PKNOX1: variants seen among roughly 807,000 people sequenced by gnomAD.
PKNOX1 encodes the protein PBX/knotted 1 homeobox 1, also known as homeobox protein PKNOX1.
A neutral mutation model predicts 51.9 loss-of-function variants in PKNOX1; 15 were observed. The observed-to-expected ratio is 0.29, with a 90% CI of 0.19 to 0.45. The LOEUF is 0.45. Ranked by LOEUF, PKNOX1 falls within the 20% of genes least tolerant of loss-of-function variation. PKNOX1 has a pLI of 1.00. For synonymous variants in PKNOX1, 219 were observed against 211.1 expected (o/e 1.04, Z -0.32); for missense variants, 462 against 547.5 (o/e 0.84, Z 1.56).
At chr21:42,997,352 C>G (rs1241968403) in intron 1 of PKNOX1, among the ~76,000 whole-genome samples, 1 of 152,144 alleles carries the variant, frequency 6.6e-6, no homozygotes, top group Non-Finnish European at 1.5e-5. Flanking sequence ...GCCTCGGGAG[C>G]CTTACGTTCC....
In PKNOX1 at chr21:43,000,816, G is replaced by A. The variant is rs574717831; in HGVS notation, c.-56-3510G>A. 1.1e-4 allele frequency among the ~76,000 whole-genome samples: 17 copies of A among 152,302 alleles called. No individual in the cohort carries two copies. The East Asian group carries it at 2.1e-3, about 19-fold the overall frequency. On this transcript the variant is annotated intron_variant, in intron 1 of 10. Coordinates refer to ENST00000291547, the MANE Select transcript of PKNOX1 (RefSeq NM_004571.5). ...GAGCATCTCTTGAGTTCAGGAAGTC[G>A]GGGCCCCAGTGAGCTATGATTGCAA...
intron 8 of PKNOX1, among the ~76,000 whole-genome samples, chr21:43,022,570 C>T (rs1027754119): frequency 5.3e-5 from 8 of 152,102 alleles, no homozygotes; most frequent in African/African-American, 1.9e-4. Context: ...GCCTCTTGGT[C>T]TCCACCGAGC....
chr21:42,992,240 C>G (rs2059091435), intron 1 of PKNOX1, among the ~76,000 whole-genome samples: 1 of 152,206 alleles, frequency 6.6e-6, no homozygotes, highest in Non-Finnish European at 1.5e-5. Context: ...GTGTCCTGTC[C>G]TTGTGAGTTC....
chr21:43,023,083 C>T (rs1049939020), intron 8 of PKNOX1, among the ~76,000 whole-genome samples: 1 of 152,004 alleles, frequency 6.6e-6, no homozygotes, highest in African/African-American at 2.4e-5. Context: ...TCCCTCCTCA[C>T]CCTCGTTTCT....
At chr21:42,979,878 C>G (rs1297407673) in intron 1 of PKNOX1, among the ~76,000 whole-genome samples, 2 of 152,246 alleles carry the variant, frequency 1.3e-5, no homozygotes, top group Non-Finnish European at 2.9e-5. Flanking sequence ...GGATGCTTTT[C>G]ACTTCAGACA....
rs1299076802 is a variant in PKNOX1 at position 42,978,160 on chromosome 21, G to A, written c.-57+3496G>A. On this transcript the variant is annotated intron_variant, in intron 1 of 10. Transcript: ENST00000291547. ...AGCTGGGATAACAGGTGTGCAGCAT[G>A]TGTCCAGCTAATTTTTGTATTATTA... is the stretch of plus-strand genomic sequence containing the variant. Among the ~76,000 whole-genome samples the A allele has an allele frequency of 1.4e-4, 21 of 151,936 alleles. 1 individual carries two copies. Among genetic ancestry groups the A allele is most frequent in the Admixed American group, 1.4e-3 (21 of 15,248 alleles).
chr21:43,024,647 C>T (rs528952972), intron 8 of PKNOX1: 41 of 494,942 alleles, frequency 8.3e-5, no homozygotes, highest in Non-Finnish European at 1.2e-4. Flanking sequence ...ACGTGGGGGG[C>T]GGTCTGCCTT....
chr21:43,006,914 C>T (rs1165629231), intron 2 of PKNOX1, among the ~76,000 whole-genome samples: 2 of 152,134 alleles, frequency 1.3e-5, no homozygotes, highest in Admixed American at 1.3e-4. Flanking sequence ...ATGTTTTTTA[C>T]CTAAATGACA....
At chr21:43,028,945 A>G (rs1183944332) in intron 10 of PKNOX1, 71 bp downstream of exon 10, 1 of 1,481,926 alleles carries the variant, frequency 6.7e-7, no homozygotes. Context: ...GGCCTGGATC[A>G]GGCCTGTTAG....
At chr21:43,018,280 A>G in intron 7 of PKNOX1, 50 bp downstream of exon 7, 3 of 1,138,518 alleles carry the variant, frequency 2.6e-6, no homozygotes, top group Non-Finnish European at 4.0e-6. Context: ...CTGCCCACAT[A>G]GGGGCACAGG....
chr21:43,029,980 A>C lies in PKNOX1; in HGVS notation c.1190A>C (p.Gln397Pro). Reference protein sequence around the residue: ...SSDGATLAVQQVMMAGQSEDE... With the variant: ...SSDGATLAVQPVMMAGQSEDE... ...GACGGGGCCACCCTGGCGGTGCAGC[A>C]GGTCATGATGGCAGGGCAGAGCGAG... Residue 397 changes from glutamine to proline, a missense_variant, in exon 11 of 11, where the codon CAG (glutamine) becomes CCG (proline). Gln to Pro is a moderately conservative substitution (Grantham distance 76). Transcript: ENST00000291547. The C allele has an allele frequency of 6.2e-7, 1 of 1,614,122 alleles. No homozygotes were observed. The highest frequency in any genetic ancestry group is 8.5e-7 in the Non-Finnish European group (1 of 1,180,030).
chr21:42,985,522 A>T (rs1312308839), intron 1 of PKNOX1, among the ~76,000 whole-genome samples: 2 of 150,696 alleles, frequency 1.3e-5, no homozygotes, highest in Non-Finnish European at 3.0e-5. Flanking sequence ...TTTAGTAGAG[A>T]CGGGGTTTTG....
intron 1 of PKNOX1, among the ~76,000 whole-genome samples, chr21:42,987,658 A>C (rs1268109024): frequency 7.5e-6 from 1 of 133,002 alleles, no homozygotes; most frequent in Non-Finnish European, 1.6e-5. Context: ...TCGCTCTTTC[A>C]CCCGGGCTGG....
intron 1 of PKNOX1, among the ~76,000 whole-genome samples, chr21:42,983,499 T>C (rs1245445418): frequency 6.6e-6 from 1 of 152,208 alleles, no homozygotes; most frequent in East Asian, 1.9e-4. Flanking sequence ...GAATACTCCA[T>C]TGTGTGGATA....
intron 1 of PKNOX1, among the ~76,000 whole-genome samples, chr21:43,000,275 C>G (rs112927527): frequency 0.017 from 2,512 of 152,218 alleles, 66 homozygotes; most frequent in African/African-American, 0.058. Flanking sequence ...CAGTGTTAGT[C>G]CATATTCATG....
In PKNOX1 at chr21:43,004,358, T is replaced by C. The variant is rs1978895634; in HGVS notation, c.-24T>C. The C allele has an allele frequency of 2.6e-6, 4 of 1,539,784 alleles. No homozygotes were observed. The highest frequency in any genetic ancestry group is 4.5e-5 in the East Asian group (2 of 44,458). ...TCGCTTTTCACCCAAGATGATTTGA[T>C]GTCTTATAAAACTCTGATGAACCAT... On this transcript the variant is annotated 5_prime_UTR_variant, in exon 2 of 11. An upstream start codon of the reference 5' UTR is lost. Transcript: ENST00000291547.
chr21:43,020,909 G>A (rs548924986), intron 7 of PKNOX1, among the ~76,000 whole-genome samples: 1 of 152,280 alleles, frequency 6.6e-6, no homozygotes, highest in East Asian at 1.9e-4. Flanking sequence ...CTTATCATGT[G>A]CCAGCCTGGG....
chr21:43,004,594 A>G (rs1978910061), intron 2 of PKNOX1, among the ~76,000 whole-genome samples, 162 bp downstream of exon 2: 2 of 152,136 alleles, frequency 1.3e-5, no homozygotes, highest in South Asian at 4.2e-4. Flanking sequence ...AAAGCCATAG[A>G]ATAATACTAT....
chr21:42,997,346 C>T (rs1025572712), intron 1 of PKNOX1, among the ~76,000 whole-genome samples: 3 of 152,124 alleles, frequency 2.0e-5, no homozygotes, highest in Non-Finnish European at 4.4e-5. Context: ...TGCGTGGCCT[C>T]GGGAGCCTTA....
Sources: allele counts gnomAD v4.1 joint callset (sites outside exome capture counted in the v4.1 genomes callset), GRCh38; gene constraint gnomAD v4.1.1; transcripts MANE v1.5; gene names NCBI Gene and HGNC (gene_info 2026-07-23, HGNC 2026-07-21).